Variants in CYP2C19 observed in about 807,000 individuals in gnomAD.
CYP2C19 encodes cytochrome P450 2C19.
CYP2C19 carries 59 observed loss-of-function variants against 40.9 expected under a neutral mutation model. That is an observed-to-expected ratio of 1.44 (90% CI 1.17 to 1.79). The LOEUF is 1.79. Among genes scored for constraint, CYP2C19 ranks in the 40% most tolerant of loss-of-function variants. The pLI, the probability that CYP2C19 is intolerant of heterozygous loss-of-function variation, is 0.00. For missense variants in CYP2C19, 754 were observed against 596.9 expected (o/e 1.26, Z -2.74); for synonymous variants, 253 against 208.7 (o/e 1.21, Z -1.83).
At chr10:94,829,920 G>A (rs1034968875) in intron 6 of CYP2C19, among the ~76,000 whole-genome samples, 20 of 152,284 alleles carry the variant, frequency 1.3e-4, no homozygotes, top group African/African-American at 4.6e-4. Flanking sequence ...TGCCGTGTGA[G>A]GTGTCAGTGT....
chr10:94,794,712 T>C (rs1026198201), intron 5 of CYP2C19, among the ~76,000 whole-genome samples: 1 of 152,088 alleles, frequency 6.6e-6, no homozygotes, highest in Non-Finnish European at 1.5e-5. Flanking sequence ...TTTGTCTCTT[T>C]TTTGTGTATA....
intron 5 of CYP2C19, among the ~76,000 whole-genome samples, chr10:94,792,723 G>A (rs1232401657): frequency 3.9e-5 from 6 of 152,130 alleles, no homozygotes; most frequent in Non-Finnish European, 5.9e-5. Context: ...TGAGAGATCC[G>A]CTGTTAGTCT....
At chr10:94,829,343 C>A (rs1849289477) in intron 6 of CYP2C19, among the ~76,000 whole-genome samples, 1 of 152,210 alleles carries the variant, frequency 6.6e-6, no homozygotes, top group African/African-American at 2.4e-5. Flanking sequence ...TCCCATATTT[C>A]TTGGAGGCTT....
At chr10:94,807,696 C>G (rs542558822) in intron 5 of CYP2C19, among the ~76,000 whole-genome samples, 2 of 152,062 alleles carry the variant, frequency 1.3e-5, no homozygotes, top group African/African-American at 2.4e-5. Context: ...TTTTGGGAGA[C>G]GCCTGTTCAG....
intron 3 of CYP2C19, chr10:94,775,811 A>G (rs1465285887): frequency 7.6e-6 from 4 of 527,844 alleles, no homozygotes; most frequent in Non-Finnish European, 1.3e-5. Flanking sequence ...ATAAGAAATG[A>G]TGAATATAGA....
chr10:94,794,361 A>G (rs773520653), intron 5 of CYP2C19, among the ~76,000 whole-genome samples: 12 of 151,976 alleles, frequency 7.9e-5, no homozygotes, highest in Non-Finnish European at 1.0e-4. Context: ...GGCTGTACCC[A>G]TTGTCTGACA....
At chr10:94,792,392 C>T (rs979290648) in intron 5 of CYP2C19, among the ~76,000 whole-genome samples, 2 of 152,112 alleles carry the variant, frequency 1.3e-5, no homozygotes, top group African/African-American at 4.8e-5. Context: ...TTGATCCTGT[C>T]ATTATGATGT....
intron 5 of CYP2C19, among the ~76,000 whole-genome samples, chr10:94,787,076 T>C (rs924785244): frequency 1.6e-4 from 25 of 152,316 alleles, no homozygotes; most frequent in African/African-American, 5.8e-4. Context: ...ATTTCCAAAC[T>C]GCTTTCCATA....
Position 94,775,236 on chromosome 10 carries a change from C to T in CYP2C19, c.331+16C>T, listed in dbSNP as rs199549982. The T allele has an allele frequency of 4.3e-6, 7 of 1,613,972 alleles. No homozygotes were observed. The highest frequency in any genetic ancestry group is 5.9e-6 in the Non-Finnish European group (7 of 1,180,010). On this transcript the variant is annotated intron_variant, in intron 2 of 8. Coordinates refer to ENST00000371321, the MANE Select transcript of CYP2C19 (RefSeq NM_000769.4). ...AGAGGATTTGGTAGGTGTGCAAGTG[C>T]CTGTTTCAGCATCTGTCTTGGGGAT...
chr10:94,767,965 C>G (rs11597292), intron 1 of CYP2C19, among the ~76,000 whole-genome samples: 72,916 of 151,908 alleles, frequency 0.48, 18,407 homozygotes, highest in African/African-American at 0.62. Flanking sequence ...CTCAGCACCT[C>G]CCTGATGGTT....
At chr10:94,822,194 A>G (rs1455193051) in intron 6 of CYP2C19, among the ~76,000 whole-genome samples, 3 of 152,172 alleles carry the variant, frequency 2.0e-5, no homozygotes, top group Non-Finnish European at 4.4e-5. Context: ...TAATAAAGAC[A>G]TACCTGAGGC....
intron 6 of CYP2C19, among the ~76,000 whole-genome samples, chr10:94,827,641 G>C (rs942108420): frequency 7.9e-5 from 12 of 152,080 alleles, no homozygotes; most frequent in African/African-American, 2.4e-4. Flanking sequence ...TTTTTTGAAG[G>C]GTCTTTTGTG....
chr10:94,767,631 C>A (rs948824617), intron 1 of CYP2C19, among the ~76,000 whole-genome samples: 1 of 152,152 alleles, frequency 6.6e-6, no homozygotes, highest in African/African-American at 2.4e-5. Context: ...ACCTCAGAGG[C>A]TTTGACTACC....
chr10:94,840,810 G>A (rs1849483409), intron 6 of CYP2C19, among the ~76,000 whole-genome samples: 1 of 152,096 alleles, frequency 6.6e-6, no homozygotes, highest in South Asian at 2.1e-4. Flanking sequence ...ATTCCCAATA[G>A]AAGGGTTGGT....
chr10:94,850,138 C>A, intron 8 of CYP2C19, 80 bp downstream of exon 8: 1 of 1,493,762 alleles, frequency 6.7e-7, no homozygotes, highest in Non-Finnish European at 9.3e-7. Flanking sequence ...TGTGCCTTCT[C>A]TGCAGTGGTA....
intron 6 of CYP2C19, among the ~76,000 whole-genome samples, chr10:94,838,491 T>C (rs1849439445): frequency 6.6e-6 from 1 of 152,200 alleles, no homozygotes; most frequent in African/African-American, 2.4e-5. Flanking sequence ...CTAGGTCTAT[T>C]TTAATTTGCT....
intron 5 of CYP2C19, among the ~76,000 whole-genome samples, chr10:94,806,605 T>A (rs575696570): frequency 4.7e-5 from 7 of 148,428 alleles, no homozygotes; most frequent in South Asian, 4.2e-4. Flanking sequence ...GATTTACTTA[T>A]TATTTATTTA....
chr10:94,809,057 T>C (rs1353857777), intron 5 of CYP2C19, among the ~76,000 whole-genome samples: 1 of 152,178 alleles, frequency 6.6e-6, no homozygotes, highest in Non-Finnish European at 1.5e-5. Context: ...ACAAAAAATA[T>C]ATGAGGGTTC....
intron 6 of CYP2C19, among the ~76,000 whole-genome samples, chr10:94,831,181 A>G (rs573419923): frequency 7.2e-5 from 11 of 152,254 alleles, no homozygotes; most frequent in Middle Eastern, 3.4e-3. Context: ...CTCCAATTTC[A>G]TTCATGTTGT....
Sources: allele counts gnomAD v4.1 joint callset (sites outside exome capture counted in the v4.1 genomes callset), GRCh38; gene constraint gnomAD v4.1.1; transcripts MANE v1.5; gene names NCBI Gene and HGNC (gene_info 2026-07-23, HGNC 2026-07-21).